Variants in GALNTL6 observed in about 807,000 individuals in gnomAD.
The protein encoded by GALNTL6 is polypeptide N-acetylgalactosaminyltransferase like 6, also known as polypeptide N-acetylgalactosaminyltransferase-like 6.
GALNTL6 carries 46 observed loss-of-function variants against 73.7 expected under a neutral mutation model. The observed-to-expected ratio is 0.62, with a 90% CI of 0.49 to 0.80. The LOEUF (loss-of-function observed/expected upper bound fraction) is 0.80. Among genes scored for constraint, GALNTL6 ranks in the 30% least tolerant of loss-of-function variants. GALNTL6 has a pLI of 0.00. For missense variants in GALNTL6, 604 were observed against 755.0 expected (o/e 0.80, Z 2.34); for synonymous variants, 259 against 263.7 (o/e 0.98, Z 0.17).
chr4:172,486,263 C>CTGAT (rs1410272094), intron 5 of GALNTL6, among the ~76,000 whole-genome samples: 2 of 152,070 alleles, frequency 1.3e-5, no homozygotes, highest in Non-Finnish European at 2.9e-5. Context: ...GTGTGAGAAA[C>CTGAT]TGATTGATTT....
At chr4:172,323,284 C>T (rs1014327068) in intron 4 of GALNTL6, among the ~76,000 whole-genome samples, 3 of 152,070 alleles carry the variant, frequency 2.0e-5, no homozygotes, top group Non-Finnish European at 4.4e-5. Flanking sequence ...TTTTTCAGAC[C>T]TGTCAAAAGC....
chr4:172,616,502 A>G (rs1242138008), intron 5 of GALNTL6, among the ~76,000 whole-genome samples: 1 of 151,268 alleles, frequency 6.6e-6, no homozygotes, highest in African/African-American at 2.4e-5. Context: ...CTCCACTCCC[A>G]AGCAGCAAAG....
At chr4:173,015,153 C>T (rs974887302) in intron 11 of GALNTL6, among the ~76,000 whole-genome samples, 2 of 152,214 alleles carry the variant, frequency 1.3e-5, no homozygotes, top group African/African-American at 4.8e-5. Flanking sequence ...CCTTCCCAGC[C>T]ATGCTGAAAT....
At chr4:173,032,254 C>A (rs1036182602) in intron 12 of GALNTL6, among the ~76,000 whole-genome samples, 12 of 152,258 alleles carry the variant, frequency 7.9e-5, no homozygotes, top group African/African-American at 2.6e-4. Context: ...TCAAGACCAT[C>A]CTGGCTAACA....
intron 5 of GALNTL6, among the ~76,000 whole-genome samples, chr4:172,775,270 T>G (rs748436048): frequency 2.4e-4 from 37 of 152,182 alleles, no homozygotes; most frequent in Non-Finnish European, 4.9e-4. Flanking sequence ...GGACTGACCT[T>G]GATGTTGTTT....
intron 5 of GALNTL6, among the ~76,000 whole-genome samples, chr4:172,689,828 A>G (rs1031291912): frequency 6.6e-6 from 1 of 152,234 alleles, no homozygotes; most frequent in Non-Finnish European, 1.5e-5. Flanking sequence ...CATTTTCTAC[A>G]TAGTGTTTTT....
At chr4:172,051,639 C>T (rs1178069386) in intron 2 of GALNTL6, among the ~76,000 whole-genome samples, 1 of 152,070 alleles carries the variant, frequency 6.6e-6, no homozygotes, top group Admixed American at 6.6e-5. Context: ...TTTTTCTTCT[C>T]TTCTGTTCAT....
At chr4:171,989,482 C>A (rs549254892) in intron 2 of GALNTL6, among the ~76,000 whole-genome samples, 2 of 152,256 alleles carry the variant, frequency 1.3e-5, no homozygotes, top group African/African-American at 4.8e-5. Flanking sequence ...GGCCAGATTT[C>A]CGGCACTTGT....
At chr4:171,859,327 T>C (rs973461702) in intron 2 of GALNTL6, among the ~76,000 whole-genome samples, 1 of 152,188 alleles carries the variant, frequency 6.6e-6, no homozygotes, top group Non-Finnish European at 1.5e-5. Context: ...TAGAGCATTT[T>C]AAAATTTTTT....
intron 10 of GALNTL6, among the ~76,000 whole-genome samples, chr4:172,995,931 G>T (rs2126465764): frequency 6.6e-6 from 1 of 152,280 alleles, no homozygotes; most frequent in Non-Finnish European, 1.5e-5. Context: ...TGTTCCAACA[G>T]GGCACTCATG....
intron 2 of GALNTL6, among the ~76,000 whole-genome samples, chr4:172,113,457 TCTA>T (rs1384439924): frequency 6.6e-6 from 1 of 152,052 alleles, no homozygotes. Context: ...CATCTTTATT[TCTA>T]CTTCTTTTTC....
At chr4:172,087,793 CAGTG>C (rs1392889702) in intron 2 of GALNTL6, among the ~76,000 whole-genome samples, 3 of 150,758 alleles carry the variant, frequency 2.0e-5, no homozygotes, top group Non-Finnish European at 3.0e-5. Flanking sequence ...ATTTAGGGGC[CAGTG>C]AGTTTTTTTA....
At chr4:172,528,614 G>A (rs1008389824) in intron 5 of GALNTL6, among the ~76,000 whole-genome samples, 3 of 151,112 alleles carry the variant, frequency 2.0e-5, no homozygotes, top group African/African-American at 7.3e-5. Context: ...CAAAGTCTGG[G>A]ATTACAGGCA....
At chr4:172,909,031 A>T (rs1023930121) in intron 8 of GALNTL6, among the ~76,000 whole-genome samples, 1 of 151,924 alleles carries the variant, frequency 6.6e-6, no homozygotes, top group Non-Finnish European at 1.5e-5. Context: ...ATAAACACAG[A>T]TATCTATAGC....
chr4:172,798,715 C>T (rs1018579628), intron 5 of GALNTL6, among the ~76,000 whole-genome samples: 11 of 152,054 alleles, frequency 7.2e-5, no homozygotes, highest in African/African-American at 2.2e-4. Context: ...AAATAACCAG[C>T]GGTTAACAGT....
intron 8 of GALNTL6, among the ~76,000 whole-genome samples, chr4:172,917,159 A>G (rs1747566076): frequency 6.6e-6 from 1 of 152,250 alleles, no homozygotes; most frequent in East Asian, 1.9e-4. Flanking sequence ...AGGATTCCCT[A>G]TTTAATAAAT....
At chr4:171,996,733 A>C (rs927551134) in intron 2 of GALNTL6, among the ~76,000 whole-genome samples, 2 of 151,762 alleles carry the variant, frequency 1.3e-5, no homozygotes, top group Non-Finnish European at 2.9e-5. Flanking sequence ...CAAAAAAAAA[A>C]AAAAAAAAAA....
At position 171,901,933 on chromosome 4, in the gene GALNTL6, A is replaced by G. The variant is rs183560325; in HGVS notation, c.138+87215A>G. Among the ~76,000 whole-genome samples, 886 of 152,300 alleles carry G rather than the reference A, an allele frequency of 5.8e-3. 10 individuals are homozygous for G. Among genetic ancestry groups the G allele is most frequent in the African/African-American group, 0.02 (827 of 41,574 alleles). The stretch of plus-strand genomic sequence containing the variant: ...TAATCTGAGGGAAACAAATCCAGAT[A>G]AATAACTGGATTTTGGACATAAAAG... On this transcript the variant is annotated intron_variant, in intron 2 of 12. Coordinates refer to ENST00000506823, the MANE Select transcript of GALNTL6 (RefSeq NM_001034845.3).
intron 5 of GALNTL6, among the ~76,000 whole-genome samples, chr4:172,757,986 A>G (rs1197579210): frequency 1.3e-5 from 2 of 152,208 alleles, no homozygotes; most frequent in African/African-American, 2.4e-5. Flanking sequence ...GCAAATAAAC[A>G]TTACACAGAA....
Sources: gnomAD v4.1 joint callset for allele counts (sites outside exome capture counted in the v4.1 genomes callset) on GRCh38, gnomAD v4.1.1 for gene constraint, MANE v1.5 for transcripts, NCBI Gene and HGNC (gene_info 2026-07-23, HGNC 2026-07-21) for gene names.